Variants in SCD5 observed in about 807,000 individuals in gnomAD.
The protein encoded by SCD5 is stearoyl-CoA desaturase 5.
Under a neutral mutation model 30.4 loss-of-function variants are expected in SCD5, and 20 were observed. That is an observed-to-expected ratio of 0.66 (90% confidence interval 0.46 to 0.96). SCD5 has a LOEUF of 0.96. Among genes scored for constraint, SCD5 ranks in the 40% least tolerant of loss-of-function variants. SCD5 has a pLI of 0.00. For missense variants in SCD5, 381 were observed against 443.3 expected, an observed-to-expected ratio of 0.86 and a Z score of 1.26; for synonymous variants, 173 against 176.4, an observed-to-expected ratio of 0.98 and a Z score of 0.16.
intron 1 of SCD5, among the ~76,000 whole-genome samples, chr4:82,713,491 C>T (rs1720153189): frequency 6.6e-6 from 1 of 152,222 alleles, no homozygotes; most frequent in African/African-American, 2.4e-5. Flanking sequence ...ACATGGCTCA[C>T]TTCAGACAGG....
At chr4:82,677,246 T>C (rs898405397) in intron 3 of SCD5, among the ~76,000 whole-genome samples, 2 of 152,202 alleles carry the variant, frequency 1.3e-5, no homozygotes, top group African/African-American at 4.8e-5. Flanking sequence ...TGAATTCTGA[T>C]TGCCTCCAAC....
chr4:82,725,742 C>G (rs1415016101), intron 1 of SCD5, among the ~76,000 whole-genome samples: 1 of 152,054 alleles, frequency 6.6e-6, no homozygotes. Flanking sequence ...TGCCTGTAGT[C>G]CCAGCTACCC....
intron 1 of SCD5, among the ~76,000 whole-genome samples, chr4:82,778,061 T>C (rs1721791018): frequency 6.6e-6 from 1 of 152,080 alleles, no homozygotes; most frequent in African/African-American, 2.4e-5. Flanking sequence ...GATCATGTCC[T>C]TTACAGGGAC....
intron 1 of SCD5, among the ~76,000 whole-genome samples, chr4:82,748,699 T>A (rs1721043112): frequency 6.6e-6 from 1 of 152,090 alleles, no homozygotes; most frequent in Non-Finnish European, 1.5e-5. Context: ...TACAAGTGAG[T>A]TTACCGAGGT....
intron 3 of SCD5, among the ~76,000 whole-genome samples, chr4:82,676,143 A>G (rs992827431): frequency 1.3e-5 from 2 of 152,104 alleles, no homozygotes; most frequent in African/African-American, 4.8e-5. Flanking sequence ...TTTAGTGATC[A>G]GTTTGCACCA....
intron 1 of SCD5, among the ~76,000 whole-genome samples, chr4:82,786,209 G>A (rs894055338): frequency 6.6e-6 from 1 of 152,078 alleles, no homozygotes; most frequent in African/African-American, 2.4e-5. Flanking sequence ...TACACAACGG[G>A]TGGCCCAGGC....
At chr4:82,774,653 A>G (rs1257280361) in intron 1 of SCD5, among the ~76,000 whole-genome samples, 1 of 152,152 alleles carries the variant, frequency 6.6e-6, no homozygotes, top group Non-Finnish European at 1.5e-5. Flanking sequence ...CCTGGGAGAA[A>G]AGTGACCTTC....
At chr4:82,781,204 C>T (rs1435597994) in intron 1 of SCD5, among the ~76,000 whole-genome samples, 1 of 152,108 alleles carries the variant, frequency 6.6e-6, no homozygotes, top group Non-Finnish European at 1.5e-5. Context: ...TGCCTGAGCT[C>T]AGGAGTTCGA....
chr4:82,781,906 G>A (rs1358445101), intron 1 of SCD5, among the ~76,000 whole-genome samples: 5 of 152,054 alleles, frequency 3.3e-5, no homozygotes, highest in African/African-American at 1.2e-4. Context: ...CTAGATGAGG[G>A]TGGTCATCAG....
chr4:82,743,872 C>T (rs902523958), intron 1 of SCD5, among the ~76,000 whole-genome samples: 1 of 151,770 alleles, frequency 6.6e-6, no homozygotes, highest in Non-Finnish European at 1.5e-5. Flanking sequence ...GCTCTATGAC[C>T]CACGCTGGGT....
chr4:82,793,880 T>G (rs1722149783), intron 1 of SCD5, among the ~76,000 whole-genome samples: 1 of 152,012 alleles, frequency 6.6e-6, no homozygotes, highest in Non-Finnish European at 1.5e-5. Flanking sequence ...TAGAAAACCT[T>G]GGGGCAAGAC....
intron 1 of SCD5, among the ~76,000 whole-genome samples, chr4:82,710,489 T>G (rs997922325): frequency 6.6e-6 from 1 of 152,096 alleles, no homozygotes; most frequent in African/African-American, 2.4e-5. Context: ...GGCTCTCAGC[T>G]GCAGAGTCTT....
At chr4:82,636,847 C>A (rs1249512097) in intron 3 of SCD5, 24 bp from the exon 4 acceptor site, 2 of 1,565,676 alleles carry the variant, frequency 1.3e-6, no homozygotes, top group South Asian at 2.3e-5. Context: ...CACCATATCA[C>A]CATGAGGACC....
intron 1 of SCD5, among the ~76,000 whole-genome samples, chr4:82,767,686 A>T (rs912943150): frequency 6.6e-6 from 1 of 152,256 alleles, no homozygotes; most frequent in Non-Finnish European, 1.5e-5. Context: ...TCTGTCATAC[A>T]TCTGGCTTTT....
chr4:82,798,165 G>T, intron 1 of SCD5, 141 bp downstream of exon 1: 1 of 940,044 alleles, frequency 1.1e-6, no homozygotes, highest in Non-Finnish European at 1.3e-6. Context: ...TGCCAAGGGG[G>T]CCGCGGCGCG....
In SCD5 at chr4:82,719,564, C is replaced by T. The variant is rs184081900; in HGVS notation, c.233-14151G>A. ...TGTCGCCCAGGCCGGAGTGCAGTGG[C>T]GCAATCTCGGCTCACTGCAAATTCC... On this transcript the variant is annotated intron_variant, in intron 1 of 4. Transcript: ENST00000319540. Among the ~76,000 whole-genome samples the T allele has an allele frequency of 2.6e-3, 366 of 142,464 alleles. 2 individuals carry two copies. Among genetic ancestry groups the T allele is most frequent in the East Asian group, 0.024 (114 of 4,844 alleles). 93.5% of individuals were successfully genotyped at this position (142,464 alleles called of 152,430 possible). A position where few individuals can be genotyped will look rare whatever the true frequency, so the allele number is the denominator to read the frequency against.
In SCD5 at chr4:82,798,286, G is replaced by T; in HGVS notation, c.232+20C>A. The T allele has an allele frequency of 6.4e-7, 1 of 1,552,960 alleles. No homozygotes were observed. Among genetic ancestry groups the T allele is most frequent in the South Asian group, 1.2e-5 (1 of 84,580 alleles). On this transcript the variant is annotated intron_variant, in intron 1 of 4. Coordinates refer to ENST00000319540, the MANE Select transcript of SCD5 (RefSeq NM_001037582.3). ...CCTGGCCACGGAGGCCGGGGCGCAGGGGGCGCCGGCGGGACTTACCCCAGA... is the reference window on the plus strand; with the variant it reads ...CCTGGCCACGGAGGCCGGGGCGCAGTGGGCGCCGGCGGGACTTACCCCAGA...
At chr4:82,634,765 C>G (rs1007671665) in intron 4 of SCD5, among the ~76,000 whole-genome samples, 1 of 152,230 alleles carries the variant, frequency 6.6e-6, no homozygotes, top group African/African-American at 2.4e-5. Flanking sequence ...GACGGACCAT[C>G]TTGTCCCCAT....
At chr4:82,649,220 T>TGA (rs1553914192) in intron 3 of SCD5, among the ~76,000 whole-genome samples, 8 of 145,704 alleles carry the variant, frequency 5.5e-5, no homozygotes, top group African/African-American at 1.5e-4. Flanking sequence ...TGTGTGTGTG[T>TGA]GAGATTCTTC....
Sources: gnomAD v4.1 joint callset for allele counts (sites outside exome capture counted in the v4.1 genomes callset) on GRCh38, gnomAD v4.1.1 for gene constraint, MANE v1.5 for transcripts, NCBI Gene and HGNC (gene_info 2026-07-23, HGNC 2026-07-21) for gene names.